The following ASAP1 variants were observed in gnomAD, a reference collection of about 807,000 sequenced individuals.
The protein encoded by ASAP1 is arf-GAP with SH3 domain, ANK repeat and PH domain-containing protein 1.
ASAP1 carries 43 observed loss-of-function variants against 145.2 expected under a neutral mutation model. That is an observed-to-expected ratio of 0.30 (90% CI 0.23 to 0.38). ASAP1 has a LOEUF of 0.38. ASAP1 is among the 10% of genes least tolerant of loss of function. ASAP1 has a pLI of 1.00. For synonymous variants in ASAP1, 546 were observed against 515.5 expected, an observed-to-expected ratio of 1.06 and a Z score of -0.80; for missense variants, 1,018 against 1,355.3, an observed-to-expected ratio of 0.75 and a Z score of 3.91.
chr8:130,128,164 T>G (rs1219654216), intron 15 of ASAP1, 74 bp from the exon 16 acceptor site: 3 of 594,008 alleles, frequency 5.1e-6, no homozygotes, highest in African/African-American at 2.6e-5. Flanking sequence ...TTTTTTTTTT[T>G]GCCACTGCAA....
At chr8:130,401,995 G>C in intron 1 of ASAP1, 25 bp from the exon 2 acceptor site, 1 of 1,511,028 alleles carries the variant, frequency 6.6e-7, no homozygotes, top group South Asian at 1.1e-5. Flanking sequence ...GGACAAAAAG[G>C]GGACAAGAGT....
chr8:130,396,463 T>C (rs11784988), intron 2 of ASAP1, among the ~76,000 whole-genome samples: 6,809 of 152,352 alleles, frequency 0.045, 160 homozygotes, highest in Middle Eastern at 0.075. Context: ...CTTTATGTAT[T>C]TAACTGAAGT....
At chr8:130,322,785 ATAAC>A (rs1824089068) in intron 3 of ASAP1, among the ~76,000 whole-genome samples, 1 of 152,222 alleles carries the variant, frequency 6.6e-6, no homozygotes, top group Non-Finnish European at 1.5e-5. Context: ...GCACATACGT[ATAAC>A]TAACAAAGGG....
At chr8:130,099,460 A>G (rs1592796509) in intron 24 of ASAP1, among the ~76,000 whole-genome samples, 1 of 151,762 alleles carries the variant, frequency 6.6e-6, no homozygotes, top group African/African-American at 2.4e-5. Flanking sequence ...GATTACAGGC[A>G]TGAGCCACTG....
At chr8:130,413,235 T>C (rs1421730627) in intron 1 of ASAP1, among the ~76,000 whole-genome samples, 1 of 152,222 alleles carries the variant, frequency 6.6e-6, no homozygotes, top group African/African-American at 2.4e-5. Flanking sequence ...CTCTGCTGCA[T>C]GTATTTCCCT....
intron 25 of ASAP1, among the ~76,000 whole-genome samples, chr8:130,085,783 C>A (rs553696073): frequency 6.8e-6 from 1 of 147,928 alleles, no homozygotes; most frequent in Non-Finnish European, 1.5e-5. Flanking sequence ...AATGCAACTT[C>A]AAAAATCATA....
At chr8:130,229,449 T>C (rs1343863401) in intron 4 of ASAP1, among the ~76,000 whole-genome samples, 1 of 152,168 alleles carries the variant, frequency 6.6e-6, no homozygotes, top group Non-Finnish European at 1.5e-5. Context: ...CATTTTGAAA[T>C]AGGAGGCAGC....
chr8:130,328,643 C>G (rs1289208502), intron 3 of ASAP1, among the ~76,000 whole-genome samples: 1 of 150,728 alleles, frequency 6.6e-6, no homozygotes, highest in Non-Finnish European at 1.5e-5. Flanking sequence ...ACAAGGTCTC[C>G]TCTGTCACAC....
chr8:130,381,314 C>T (rs930502407), intron 2 of ASAP1, among the ~76,000 whole-genome samples: 21 of 152,202 alleles, frequency 1.4e-4, no homozygotes, highest in African/African-American at 4.8e-4. Context: ...AGCTATGAGC[C>T]ACCTTGCCTG....
intron 3 of ASAP1, among the ~76,000 whole-genome samples, chr8:130,288,236 T>TA (rs1394786362): frequency 6.6e-6 from 1 of 152,160 alleles, no homozygotes; most frequent in African/African-American, 2.4e-5. Flanking sequence ...CTGAGGCTTT[T>TA]AATCTATTTC....
intron 1 of ASAP1, among the ~76,000 whole-genome samples, chr8:130,402,612 T>G (rs1466667713): frequency 1.3e-5 from 2 of 152,166 alleles, no homozygotes; most frequent in Non-Finnish European, 2.9e-5. Flanking sequence ...CCAAGGGACC[T>G]CCTTGGCTTT....
intron 3 of ASAP1, among the ~76,000 whole-genome samples, chr8:130,239,493 T>C (rs1818401833): frequency 6.6e-6 from 1 of 152,110 alleles, no homozygotes; most frequent in Admixed American, 6.6e-5. Flanking sequence ...AGCCTTATCT[T>C]CTAACCACTA....
At chr8:130,421,507 G>A (rs1185529411) in intron 1 of ASAP1, among the ~76,000 whole-genome samples, 1 of 152,228 alleles carries the variant, frequency 6.6e-6, no homozygotes, top group African/African-American at 2.4e-5. Flanking sequence ...TAAGGAATGA[G>A]ATAGAAATGT....
intron 27 of ASAP1, among the ~76,000 whole-genome samples, chr8:130,061,550 A>G (rs2097419614): frequency 2.0e-5 from 3 of 152,206 alleles, no homozygotes; most frequent in Non-Finnish European, 4.4e-5. Context: ...GGTGCATTCT[A>G]TTCCATTCTA....
At chr8:130,226,921 C>G (rs1817618553) in intron 4 of ASAP1, among the ~76,000 whole-genome samples, 1 of 152,178 alleles carries the variant, frequency 6.6e-6, no homozygotes, top group Non-Finnish European at 1.5e-5. Context: ...GTAGCAAAGA[C>G]ACAACCAATT....
chr8:130,140,059 G>A (rs2097606494), intron 13 of ASAP1, among the ~76,000 whole-genome samples: 1 of 147,100 alleles, frequency 6.8e-6, no homozygotes, highest in Non-Finnish European at 1.5e-5. Flanking sequence ...TTGAGATAGG[G>A]TCTCGCTTTG....
intron 3 of ASAP1, among the ~76,000 whole-genome samples, chr8:130,256,589 T>C (rs1267609428): frequency 6.6e-6 from 1 of 151,778 alleles, no homozygotes; most frequent in African/African-American, 2.4e-5. Flanking sequence ...TCTAGTATTT[T>C]TGCCTTGGAG....
intron 4 of ASAP1, among the ~76,000 whole-genome samples, chr8:130,216,801 A>G (rs980801784): frequency 2.0e-5 from 3 of 152,218 alleles, no homozygotes; most frequent in Non-Finnish European, 2.9e-5. Context: ...TTGAATCTTA[A>G]CATGTCTAAA....
intron 3 of ASAP1, among the ~76,000 whole-genome samples, chr8:130,244,183 A>G (rs1294040238): frequency 6.6e-6 from 1 of 152,188 alleles, no homozygotes; most frequent in Admixed American, 6.6e-5. Flanking sequence ...ACTCAGTGGA[A>G]GCTGACTGAA....
Sources: allele counts gnomAD v4.1 joint callset (sites outside exome capture counted in the v4.1 genomes callset), GRCh38; gene constraint gnomAD v4.1.1; transcripts MANE v1.5; gene names NCBI Gene and HGNC (gene_info 2026-07-23, HGNC 2026-07-21).